Variants in RNF115 observed in about 807,000 individuals in gnomAD.
RNF115 encodes the protein ring finger protein 115.
In RNF115, 31 loss-of-function variants were observed where a neutral mutation model predicts 39.2. That is an observed-to-expected ratio of 0.79 (90% CI 0.59 to 1.07). The LOEUF (loss-of-function observed/expected upper bound fraction) is 1.07, where lower values mean the gene tolerates loss of function less well. Among genes scored for constraint, RNF115 ranks in the 50% least tolerant of loss-of-function variants. The pLI, the probability that RNF115 is intolerant of heterozygous loss-of-function variation, is 0.00. For synonymous variants in RNF115, 124 were observed against 131.0 expected (o/e 0.95, Z 0.37); for missense variants, 384 against 381.7 (o/e 1.01, Z -0.05).
At chr1:145,803,128 A>G (rs1553721114) in intron 1 of RNF115, among the ~76,000 whole-genome samples, 1 of 152,240 alleles carries the variant, frequency 6.6e-6, no homozygotes. Flanking sequence ...TCATTACAAG[A>G]AAGAGAAAGT....
rs1553710786 is a variant in RNF115 at position 145,739,896 on chromosome 1, A to T, written c.*6970T>A. 1 of 152,196 alleles carries T rather than the reference A, an allele frequency of 6.6e-6. No individual in the cohort carries two copies. Among genetic ancestry groups the T allele is most frequent in the African/African-American group, 2.4e-5 (1 of 41,462 alleles). 9.4% of individuals were successfully genotyped at this position (152,196 alleles called of 1,614,324 possible). Reference sequence around the variant, plus strand: ...CACCCAGTGCAAATGAGGTTTTGAGATGCTATTTCTGTTTACCTATCTGTA... The same window carrying T: ...CACCCAGTGCAAATGAGGTTTTGAGTTGCTATTTCTGTTTACCTATCTGTA... On this transcript the variant is annotated 3_prime_UTR_variant, in exon 9 of 9. Coordinates refer to ENST00000582693, the MANE Select transcript of RNF115 (RefSeq NM_014455.4).
intron 3 of RNF115, among the ~76,000 whole-genome samples, chr1:145,781,977 A>T (rs1553717489): frequency 6.9e-6 from 1 of 144,762 alleles, no homozygotes; most frequent in African/African-American, 2.6e-5. Flanking sequence ...ATCTCCGCTC[A>T]CTGCAACCTC....
intron 3 of RNF115, among the ~76,000 whole-genome samples, chr1:145,778,757 T>C: frequency 6.6e-6 from 1 of 152,318 alleles, no homozygotes; most frequent in South Asian, 2.1e-4. Context: ...GGGCATCATA[T>C]TGTATGTACT....
At chr1:145,772,162 A>G in intron 3 of RNF115, 1 of 389,404 alleles carries the variant, frequency 2.6e-6, no homozygotes, top group South Asian at 4.0e-5. Flanking sequence ...ACACCCACCA[A>G]GTGTTTAAGA....
chr1:145,757,993 G>T lies in RNF115; in HGVS notation c.429-4944C>A, dbSNP rs187132654. Among the ~76,000 whole-genome samples, 20 of 152,282 alleles carry T rather than the reference G, an allele frequency of 1.3e-4. No homozygotes were observed. The East Asian group carries it at 2.3e-3, about 18-fold the overall frequency. On this transcript the variant is annotated intron_variant, in intron 4 of 8. Transcript: ENST00000582693. ...TGATAGATTTTGGGAGGAAGTGAGT[G>T]CATTTTGCACATAGAAGAAGTGTAA... is the stretch of plus-strand genomic sequence containing the variant.
rs587746293 is a variant in RNF115, at chr1:145,785,476, A to C, written c.162-880T>G. On this transcript the variant is annotated intron_variant, in intron 2 of 8. Transcript: ENST00000582693. ...CAAAGACCCTGAAGAGTGGAGAGAA[A>C]TATTAAATCCCATTGTCCCCATGAA... 7.2e-4 allele frequency among the ~76,000 whole-genome samples: 109 copies of C among 152,324 alleles called. No individual in the cohort carries two copies. The South Asian group carries it at 0.016, about 22-fold the overall frequency.
At chr1:145,814,400 G>A (rs1397663416) in intron 1 of RNF115, among the ~76,000 whole-genome samples, 2 of 151,950 alleles carry the variant, frequency 1.3e-5, no homozygotes, top group Non-Finnish European at 2.9e-5. Context: ...TGGCCAACAT[G>A]GTGAAACCCT....
At chr1:145,763,150 G>A (rs1553714089) in intron 4 of RNF115, among the ~76,000 whole-genome samples, 2 of 151,982 alleles carry the variant, frequency 1.3e-5, no homozygotes, top group Non-Finnish European at 2.9e-5. Context: ...TGAGTTACCA[G>A]GAAAGCAAAT....
intron 5 of RNF115, 59 bp from the exon 6 acceptor site, chr1:145,751,569 A>G: frequency 1.6e-6 from 2 of 1,285,104 alleles, no homozygotes; most frequent in Admixed American, 4.3e-5. Context: ...GCCTTACACC[A>G]CAGAAAAAAA....
rs74512986 is a variant in RNF115, at chr1:145,798,318, C to A, written c.103-9352G>T. ...ACAGTTTTAGGTCTTATATTTAGGT[C>A]TTTAATCCACTTTGAGTTTATTTTT... On this transcript the variant is annotated intron_variant, in intron 1 of 8. Coordinates refer to ENST00000582693, the MANE Select transcript of RNF115 (RefSeq NM_014455.4). Among the ~76,000 whole-genome samples, 28 of 152,190 alleles carry A rather than the reference C, an allele frequency of 1.8e-4. No homozygotes were observed. The East Asian group carries it at 4.2e-3, about 23-fold the overall frequency.
chr1:145,793,312 G>C (rs1203808764), intron 1 of RNF115, among the ~76,000 whole-genome samples: 5 of 152,128 alleles, frequency 3.3e-5, no homozygotes, highest in Non-Finnish European at 5.9e-5. Flanking sequence ...GCGAGACCCT[G>C]TATCAAAAAA....
At chr1:145,775,785 C>T (rs1047947096) in intron 3 of RNF115, among the ~76,000 whole-genome samples, 17 of 151,970 alleles carry the variant, frequency 1.1e-4, no homozygotes, top group African/African-American at 4.1e-4. Context: ...TCACTGAGGC[C>T]AGAAGTTCGA....
At chr1:145,794,893 T>TACA (rs1234879842) in intron 1 of RNF115, among the ~76,000 whole-genome samples, 1 of 151,674 alleles carries the variant, frequency 6.6e-6, no homozygotes, top group Non-Finnish European at 1.5e-5. Flanking sequence ...GGCGGGCGCC[T>TACA]GTAGTCCCAG....
At position 145,823,657 on chromosome 1, in the gene RNF115, C is replaced by T. The variant is rs148552615; in HGVS notation, c.102+115G>A. ...GGCTTAGAAGTGGGCAGCAGGTATT[C>T]GGCAGACCGATGTCGGGCGAGTCAA... On this transcript the variant is annotated intron_variant, in intron 1 of 8. Transcript: ENST00000582693. 9.4e-3 allele frequency: 8,161 copies of T among 865,668 alleles called. 95 individuals carry two copies. The highest frequency in any genetic ancestry group is 0.054 in the Middle Eastern group (150 of 2,770). The allele number at this position is 865,668 out of a possible 1,614,324, so 53.6% of individuals were successfully genotyped here. A position where few individuals can be genotyped will look rare whatever the true frequency, so the allele number is the denominator to read the frequency against.
intron 4 of RNF115, among the ~76,000 whole-genome samples, chr1:145,756,316 C>T (rs149125495): frequency 1.3e-5 from 2 of 152,112 alleles, no homozygotes; most frequent in East Asian, 3.9e-4. Flanking sequence ...AAAAATTAGC[C>T]GGGCATGGTG....
intron 3 of RNF115, among the ~76,000 whole-genome samples, chr1:145,775,154 G>A (rs1351230979): frequency 6.6e-6 from 1 of 152,100 alleles, no homozygotes; most frequent in African/African-American, 2.4e-5. Flanking sequence ...GGCTGAGTGG[G>A]GAGGATCACT....
chr1:145,784,038 T>C (rs886192192), intron 3 of RNF115, among the ~76,000 whole-genome samples: 5 of 152,162 alleles, frequency 3.3e-5, no homozygotes, highest in African/African-American at 9.7e-5. Context: ...CATCTTGGGA[T>C]CTGAAAGGCA....
At position 145,786,936 on chromosome 1, in the gene RNF115, A is replaced by G. The variant is rs1648408343; in HGVS notation, c.161+1972T>C. 3 of 581,442 alleles carry G rather than the reference A, an allele frequency of 5.2e-6. No homozygotes were observed. In the East Asian group the frequency reaches 2.0e-4, roughly 39 times the overall value. The allele number at this position is 581,442 out of a possible 1,614,324, so 36.0% of individuals were successfully genotyped here. On this transcript the variant is annotated intron_variant, in intron 2 of 8. Coordinates refer to ENST00000582693, the MANE Select transcript of RNF115 (RefSeq NM_014455.4). ...TGTATCAAAATAGATCCCATGCCAC[A>G]TATTGCCCCAGAAGCTCCAGCTTAT...
chr1:145,800,882 G>A (rs888424379), intron 1 of RNF115, among the ~76,000 whole-genome samples: 2 of 152,148 alleles, frequency 1.3e-5, no homozygotes, highest in Non-Finnish European at 2.9e-5. Context: ...ATGAAAAGGA[G>A]CTTTAGGACG....
Sources: allele counts gnomAD v4.1 joint callset (sites outside exome capture counted in the v4.1 genomes callset), GRCh38; gene constraint gnomAD v4.1.1; transcripts MANE v1.5; gene names NCBI Gene and HGNC (gene_info 2026-07-23, HGNC 2026-07-21).